Variants in DKK3 observed in about 807,000 individuals in gnomAD.
The protein encoded by DKK3 is dickkopf Wnt signaling pathway inhibitor 3.
Under a neutral mutation model 33.2 loss-of-function variants are expected in DKK3, and 22 were observed. The ratio of observed to expected loss-of-function variants is 0.66; its 90% confidence interval spans 0.47 to 0.95. The LOEUF (loss-of-function observed/expected upper bound fraction) is 0.95. DKK3 is among the 40% of genes least tolerant of loss of function. The probability of loss-of-function intolerance (pLI) is 0.00; values close to 1 mark genes in which losing one functional copy is unlikely to be tolerated. For synonymous variants in DKK3, 194 were observed against 188.8 expected (o/e 1.03, Z -0.23); for missense variants, 398 against 458.4 (o/e 0.87, Z 1.20).
At chr11:11,980,953 A>G (rs762203228) in intron 3 of DKK3, among the ~76,000 whole-genome samples, 2 of 152,102 alleles carry the variant, frequency 1.3e-5, no homozygotes, top group Non-Finnish European at 2.9e-5. Context: ...AGCCCCCAAG[A>G]CCTGCACTGA....
intron 3 of DKK3, among the ~76,000 whole-genome samples, chr11:11,983,409 T>C (rs1176542361): frequency 6.6e-6 from 1 of 152,218 alleles, no homozygotes; most frequent in Admixed American, 6.5e-5. Context: ...GTATTTTCTC[T>C]GTCCATCCCA....
intron 3 of DKK3, among the ~76,000 whole-genome samples, chr11:11,972,778 G>A (rs892741882): frequency 3.9e-5 from 6 of 152,198 alleles, no homozygotes; most frequent in Admixed American, 3.3e-4. Flanking sequence ...GTCCACATTT[G>A]AGCCAAGGTG....
At chr11:12,004,701 T>C (rs1848501635) in intron 1 of DKK3, among the ~76,000 whole-genome samples, 2 of 152,194 alleles carry the variant, frequency 1.3e-5, no homozygotes, top group Non-Finnish European at 1.5e-5. Flanking sequence ...TGAGTAGATA[T>C]AAGAATTAAG....
At chr11:11,982,222 G>A (rs1847969857) in intron 3 of DKK3, among the ~76,000 whole-genome samples, 1 of 152,178 alleles carries the variant, frequency 6.6e-6, no homozygotes, top group Non-Finnish European at 1.5e-5. Flanking sequence ...CGTGGGGACA[G>A]TCCTCCTGAA....
At chr11:11,965,718 C>T in intron 6 of DKK3, 91 bp downstream of exon 6, 3 of 1,486,244 alleles carry the variant, frequency 2.0e-6, no homozygotes, top group South Asian at 1.3e-5. Context: ...TACACCTCCC[C>T]CAGGGAAAAC....
chr11:11,973,588 G>A (rs1258313954), intron 3 of DKK3, among the ~76,000 whole-genome samples: 2 of 152,194 alleles, frequency 1.3e-5, no homozygotes, highest in African/African-American at 4.8e-5. Flanking sequence ...CCAGAAGCTG[G>A]CCATGGGGAA....
chr11:11,999,629 AAAAC>A (rs56999763), intron 2 of DKK3, among the ~76,000 whole-genome samples: 30,787 of 151,966 alleles, frequency 0.2, 3,348 homozygotes, highest in Admixed American at 0.31. Flanking sequence ...CTCCATCTCA[AAAAC>A]AAACAAACAA....
chr11:12,005,592 G>A (rs184205746), intron 1 of DKK3, among the ~76,000 whole-genome samples: 16 of 152,296 alleles, frequency 1.1e-4, no homozygotes, highest in East Asian at 1.9e-4. Context: ...AATAATGACC[G>A]TACAAGTAGA....
At chr11:11,977,580 C>T (rs1307924762) in intron 3 of DKK3, among the ~76,000 whole-genome samples, 1 of 152,216 alleles carries the variant, frequency 6.6e-6, no homozygotes, top group East Asian at 1.9e-4. Context: ...GCCCTCTCTA[C>T]CCACTCCCCC....
At chr11:11,990,544 C>T (rs957144323) in intron 3 of DKK3, among the ~76,000 whole-genome samples, 32 of 152,218 alleles carry the variant, frequency 2.1e-4, no homozygotes, top group Admixed American at 1.3e-4. Flanking sequence ...CATGAAGTCT[C>T]ATTACAGTAT....
chr11:11,994,925 C>T (rs910852343), intron 3 of DKK3, among the ~76,000 whole-genome samples: 7 of 152,214 alleles, frequency 4.6e-5, no homozygotes, highest in African/African-American at 1.7e-4. Flanking sequence ...TGCGGTCTCA[C>T]ACTTGTCGGG....
chr11:11,964,317 CACA>C lies in DKK3; in HGVS notation c.*144_*146del, dbSNP rs1847526772. 1 of 1,034,164 alleles carries C rather than the reference CACA, an allele frequency of 9.7e-7. No homozygotes were observed. The allele number at this position is 1,034,164 out of a possible 1,614,324, so 64.1% of individuals were successfully genotyped here. ...ACAGCCTGGGGGAGCTGAACAAATG[CACA>C]ACACCTCATGCTGTCAAGCCAGAGG... On this transcript the variant is annotated 3_prime_UTR_variant, in exon 7 of 7. Transcript: ENST00000683431.
intron 4 of DKK3, among the ~76,000 whole-genome samples, chr11:11,967,322 G>T (rs1847621869): frequency 6.6e-6 from 1 of 152,246 alleles, no homozygotes. Context: ...GAGGACTCAT[G>T]GATCTGAGTC....
chr11:11,987,318 TG>T (rs1848091047), intron 3 of DKK3, among the ~76,000 whole-genome samples: 1 of 152,206 alleles, frequency 6.6e-6, no homozygotes, highest in South Asian at 2.1e-4. Flanking sequence ...CCCTGCTTCC[TG>T]AAAAAGGAAA....
At chr11:11,994,033 C>T (rs1848240719) in intron 3 of DKK3, among the ~76,000 whole-genome samples, 1 of 152,128 alleles carries the variant, frequency 6.6e-6, no homozygotes, top group Admixed American at 6.5e-5. Context: ...TGGCCAGGAA[C>T]ACAGAGCTCC....
intron 3 of DKK3, among the ~76,000 whole-genome samples, chr11:11,981,998 C>T (rs1368072411): frequency 2.6e-5 from 4 of 152,152 alleles, no homozygotes; most frequent in Non-Finnish European, 4.4e-5. Flanking sequence ...GCTGCAGGTG[C>T]TCCCCATGGT....
intron 3 of DKK3, among the ~76,000 whole-genome samples, chr11:11,973,830 C>T (rs942021336): frequency 2.6e-5 from 4 of 152,196 alleles, no homozygotes; most frequent in Admixed American, 6.5e-5. Flanking sequence ...AGGAGAGAGG[C>T]TCTGAGTGAG....
At chr11:11,981,450 T>C (rs1055999753) in intron 3 of DKK3, among the ~76,000 whole-genome samples, 1 of 152,104 alleles carries the variant, frequency 6.6e-6, no homozygotes, top group Non-Finnish European at 1.5e-5. Flanking sequence ...ACCCACAGAA[T>C]CCAGGAACAT....
At chr11:12,004,403 A>G (rs751580) in intron 1 of DKK3, among the ~76,000 whole-genome samples, 13,563 of 152,290 alleles carry the variant, frequency 0.089, 747 homozygotes, top group Middle Eastern at 0.16. Flanking sequence ...GGCTAGAATT[A>G]GGTCTAGGAG....
Sources: gnomAD v4.1 joint callset for allele counts (sites outside exome capture counted in the v4.1 genomes callset) on GRCh38, gnomAD v4.1.1 for gene constraint, MANE v1.5 for transcripts, NCBI Gene and HGNC (gene_info 2026-07-23, HGNC 2026-07-21) for gene names.